The following STARD13 variants were observed in gnomAD, a reference collection of about 807,000 sequenced individuals.
The protein encoded by STARD13 is stAR-related lipid transfer protein 13.
In STARD13, 62 loss-of-function variants were observed where a neutral mutation model predicts 106.4. The observed-to-expected ratio is 0.58, with a 90% CI of 0.48 to 0.72. The LOEUF (loss-of-function observed/expected upper bound fraction) is 0.72, where lower values mean the gene tolerates loss of function less well. STARD13 is among the 30% of genes least tolerant of loss of function. The pLI is 0.00. For missense variants in STARD13, 1,387 were observed against 1,424.0 expected (o/e 0.97, Z 0.42); for synonymous variants, 565 against 553.0 (o/e 1.02, Z -0.31).
At chr13:33,136,390 C>A (rs1264843307) in intron 4 of STARD13, among the ~76,000 whole-genome samples, 1 of 152,176 alleles carries the variant, frequency 6.6e-6, no homozygotes, top group African/African-American at 2.4e-5. Flanking sequence ...CAAATAGGGG[C>A]AGCTTCCTGG....
intron 3 of STARD13, among the ~76,000 whole-genome samples, chr13:33,149,961 A>C (rs1041242882): frequency 2.0e-5 from 3 of 152,250 alleles, no homozygotes; most frequent in African/African-American, 7.2e-5. Flanking sequence ...GAGTTGGTCT[A>C]ATACTGGTTC....
At chr13:33,525,746 G>T in the STARD13 span, among the ~76,000 whole-genome samples, 6 of 152,104 alleles carry the variant, frequency 3.9e-5, no homozygotes, top group African/African-American at 1.4e-4. Flanking sequence ...GGAAAGGCTG[G>T]AGATGTAAAT....
the STARD13 span, chr13:33,611,018 G>A: frequency 1.3e-5 from 2 of 152,244 alleles, no homozygotes; most frequent in African/African-American, 2.4e-5. Context: ...GACCTTTTGT[G>A]GGTGAGCTTT....
Position 33,105,535 on chromosome 13 carries a change from G to T in STARD13, c.*58C>A. On this transcript the variant is annotated 3_prime_UTR_variant, in exon 14 of 14. Transcript: ENST00000336934. The stretch of plus-strand genomic sequence containing the variant: ...TCGCTTTCTCACATGCACACTCTCT[G>T]CCACACTCGTCACTTTAGCTTCCTC... The T allele has an allele frequency of 8.2e-7, 1 of 1,217,914 alleles. No individual in the cohort carries two copies. Among genetic ancestry groups the T allele is most frequent in the Non-Finnish European group, 1.2e-6 (1 of 818,700 alleles). 75.4% of individuals were successfully genotyped at this position (1,217,914 alleles called of 1,614,324 possible).
At chr13:33,508,915 A>G in the STARD13 span, among the ~76,000 whole-genome samples, 1 of 152,218 alleles carries the variant, frequency 6.6e-6, no homozygotes, top group Non-Finnish European at 1.5e-5. Flanking sequence ...ACTAACCTGT[A>G]CAGCATGCTA....
the STARD13 span, among the ~76,000 whole-genome samples, chr13:33,607,571 C>T: frequency 7.7e-3 from 1,168 of 152,188 alleles, 12 homozygotes; most frequent in African/African-American, 0.024. Context: ...GCTGGGATTA[C>T]AGGTGTGAGC....
the STARD13 span, among the ~76,000 whole-genome samples, chr13:33,494,412 G>T: frequency 6.6e-6 from 1 of 152,096 alleles, no homozygotes; most frequent in African/African-American, 2.4e-5. Flanking sequence ...GCAGTACCTT[G>T]CATTTAGCAT....
At chr13:33,353,217 C>A (rs924498295), upstream of STARD13, among the ~76,000 whole-genome samples, 1 of 152,194 alleles carries the variant, frequency 6.6e-6, no homozygotes, top group Non-Finnish European at 1.5e-5. Context: ...AAGCCCACTG[C>A]CTCTACCCTG....
chr13:33,442,442 G>T, the STARD13 span, among the ~76,000 whole-genome samples: 1 of 152,092 alleles, frequency 6.6e-6, no homozygotes, highest in Non-Finnish European at 1.5e-5. Context: ...ACTGAAATAG[G>T]AATTCCAGAG....
At chr13:33,534,830 T>C in the STARD13 span, among the ~76,000 whole-genome samples, 4 of 152,174 alleles carry the variant, frequency 2.6e-5, no homozygotes, top group African/African-American at 4.8e-5. Flanking sequence ...TCATGACAAA[T>C]GAAACACTAA....
the STARD13 span, among the ~76,000 whole-genome samples, chr13:33,539,010 C>T: frequency 6.6e-6 from 1 of 152,136 alleles, no homozygotes; most frequent in Non-Finnish European, 1.5e-5. Flanking sequence ...ACCTTGTGAT[C>T]CGCCCACCTC....
intron 1 of STARD13, among the ~76,000 whole-genome samples, chr13:33,228,076 C>T (rs66477869): frequency 0.14 from 21,631 of 152,100 alleles, 2,655 homozygotes; most frequent in African/African-American, 0.34. Context: ...TTTGTAAGGA[C>T]ATGAAGAATT....
Position 33,129,402 on chromosome 13 carries a change from A to G in STARD13, c.1275T>C (p.Asn425=), listed in dbSNP as rs35988623. Residue 425 remains asparagine, a synonymous_variant, in exon 5 of 14, where the codon AAT becomes AAC. Coordinates refer to ENST00000336934, the MANE Select transcript of STARD13 (RefSeq NM_178006.4). The stretch of plus-strand genomic sequence containing the variant: ...CCAGGGAGATGCTACCGGTCCTCCA[A>G]TTAACCCCATTGCTACTATCTGTGG... ...LSPTDSSNGV[N]WRTGSISLGR... 1,463 of 1,614,194 alleles carry G rather than the reference A, an allele frequency of 9.1e-4. 16 individuals are homozygous for G. In the African/African-American group the frequency reaches 0.016, roughly 18 times the overall value.
At chr13:33,544,933 C>G in the STARD13 span, among the ~76,000 whole-genome samples, 1 of 151,596 alleles carries the variant, frequency 6.6e-6, no homozygotes, top group Non-Finnish European at 1.5e-5. Context: ...GCCACCACAC[C>G]TGGCTAATTT....
At chr13:33,457,104 C>T in the STARD13 span, among the ~76,000 whole-genome samples, 1 of 152,176 alleles carries the variant, frequency 6.6e-6, no homozygotes, top group Non-Finnish European at 1.5e-5. Flanking sequence ...GTTTTAGGCT[C>T]ATGTTATTCC....
chr13:33,391,979 A>G, the STARD13 span, among the ~76,000 whole-genome samples: 1 of 152,148 alleles, frequency 6.6e-6, no homozygotes, highest in African/African-American at 2.4e-5. Flanking sequence ...TTATTGCTGC[A>G]GAGGGCTTTA....
chr13:33,644,430 C>T, the STARD13 span, among the ~76,000 whole-genome samples: 1 of 151,660 alleles, frequency 6.6e-6, no homozygotes, highest in Non-Finnish European at 1.5e-5. Flanking sequence ...GCCTGATTCC[C>T]GAATGCCGGG....
chr13:33,529,735 A>T, the STARD13 span, among the ~76,000 whole-genome samples: 1 of 152,190 alleles, frequency 6.6e-6, no homozygotes, highest in Non-Finnish European at 1.5e-5. Flanking sequence ...GGTAACCTTT[A>T]AACTAAATTT....
At chr13:33,149,863 C>A (rs76882581) in intron 3 of STARD13, among the ~76,000 whole-genome samples, 1 of 152,170 alleles carries the variant, frequency 6.6e-6, no homozygotes, top group Non-Finnish European at 1.5e-5. Context: ...GTGAGTGAAG[C>A]CAATCTGCAT....
Sources: allele counts gnomAD v4.1 joint callset (sites outside exome capture counted in the v4.1 genomes callset), GRCh38; gene constraint gnomAD v4.1.1; transcripts MANE v1.5; gene names NCBI Gene and HGNC (gene_info 2026-07-23, HGNC 2026-07-21).